DHX32: variants seen among roughly 807,000 people sequenced by gnomAD.
DHX32 encodes the protein putative pre-mRNA-splicing factor ATP-dependent RNA helicase DHX32.
In DHX32, 51 loss-of-function variants were observed where a neutral mutation model predicts 70.0. The observed-to-expected ratio is 0.73, with a 90% CI of 0.58 to 0.92. The LOEUF is 0.92. DHX32 is among the 40% of genes least tolerant of loss of function. The probability of loss-of-function intolerance (pLI) is 0.00; values close to 1 mark genes in which losing one functional copy is unlikely to be tolerated. For missense variants in DHX32, 762 were observed against 891.8 expected (o/e 0.85, Z 1.85); for synonymous variants, 310 against 315.3 (o/e 0.98, Z 0.18).
At chr10:125,888,517 ACAAT>A (rs1240504174) in intron 1 of DHX32, among the ~76,000 whole-genome samples, 3 of 152,266 alleles carry the variant, frequency 2.0e-5, no homozygotes, top group Admixed American at 6.5e-5. Flanking sequence ...ATTCTATGGA[ACAAT>A]CAATCATTTA....
intron 1 of DHX32, among the ~76,000 whole-genome samples, chr10:125,887,495 G>T (rs1944346728): frequency 6.6e-6 from 1 of 152,160 alleles, no homozygotes. Context: ...TAAAAAAGTT[G>T]TGATTACAGT....
At position 125,859,041 on chromosome 10, in the gene DHX32, GTTTGT is replaced by G. The variant is rs1175730953; in HGVS notation, c.849+557_849+561del. ...TAAAGGTTTTTTTTTTTGTTTGTTT[GTTTGT>G]TTTTTTTTTTTTTTTTTAATCTTTT... On this transcript the variant is annotated intron_variant, in intron 3 of 10. Transcript: ENST00000284690. Among the ~76,000 whole-genome samples the G allele has an allele frequency of 1.2e-3, 157 of 134,246 alleles. 1 individual carries two copies. The Middle Eastern group carries it at 0.016, about 14-fold the overall frequency. The allele number at this position is 134,246 out of a possible 152,430, so 88.1% of individuals were successfully genotyped here.
rs1017977519 is a variant in DHX32, at chr10:125,841,884, G to T, written c.1402C>A (p.Leu468Met). The T allele has an allele frequency of 6.2e-7, 1 of 1,611,088 alleles. No homozygotes were observed. Among genetic ancestry groups the T allele is most frequent in the African/African-American group, 1.3e-5 (1 of 74,924 alleles). Reference protein sequence around the residue: ...ALEDLDYLAALDNDGNLSEFG... With the variant: ...ALEDLDYLAAMDNDGNLSEFG... ...TCAGAAAGATTTCCATCATTATCCAGTGCTGCCAGATAATCTAAGTCTTCC... is the reference window on the plus strand; with the variant it reads ...TCAGAAAGATTTCCATCATTATCCATTGCTGCCAGATAATCTAAGTCTTCC... Residue 468 changes from leucine to methionine, a missense_variant, in exon 7 of 11, where the codon CTG (leucine) becomes ATG (methionine). Transcript: ENST00000284690.
Position 125,841,919 on chromosome 10 carries a change from A to G in DHX32, c.1367T>C (p.Met456Thr). 6.3e-7 allele frequency: 1 copy of G among 1,594,822 alleles called. No homozygotes were observed. Among genetic ancestry groups the G allele is most frequent in the Non-Finnish European group, 8.5e-7 (1 of 1,174,476 alleles). Residue 456 changes from methionine to threonine, a missense_variant, in exon 7 of 11, where the codon ATG becomes ACG. Transcript: ENST00000284690. ...ATAATCTAAGTCTTCCAATGCCTGC[A>G]TCAAACTTTCTGGTGCTAGGAAAGG... ...FMNRPAPESL[M>T]QALEDLDYLA...
intron 7 of DHX32, 106 bp downstream of exon 7, chr10:125,841,637 T>C (rs2134027445): frequency 6.7e-7 from 1 of 1,495,254 alleles, no homozygotes; most frequent in Non-Finnish European, 8.8e-7. Flanking sequence ...AGTTGATCAC[T>C]ATCTCTGCTC....
At chr10:125,845,205 T>C (rs912585705) in intron 6 of DHX32, among the ~76,000 whole-genome samples, 3 of 152,196 alleles carry the variant, frequency 2.0e-5, no homozygotes, top group South Asian at 2.1e-4. Context: ...AGTGTTCTTA[T>C]AGATGTCAGA....
intron 9 of DHX32, 119 bp from the exon 10 acceptor site, chr10:125,838,506 GC>G: frequency 1.1e-6 from 1 of 940,738 alleles, no homozygotes; most frequent in South Asian, 2.2e-5. Flanking sequence ...ACTAACGTTT[GC>G]CACTCATGTT....
intron 1 of DHX32, among the ~76,000 whole-genome samples, chr10:125,891,851 G>GC (rs1210137116): frequency 6.6e-6 from 1 of 151,998 alleles, no homozygotes; most frequent in Non-Finnish European, 1.5e-5. Context: ...TCCACAATCA[G>GC]CCCCTCCCCA....
intron 1 of DHX32, among the ~76,000 whole-genome samples, chr10:125,875,376 C>A (rs891262067): frequency 3.3e-5 from 5 of 152,046 alleles, no homozygotes; most frequent in Non-Finnish European, 7.3e-5. Context: ...GAACCTGGAA[C>A]ATCTTACTGA....
Position 125,859,687 on chromosome 10 carries a change from AGAATCCTTTTG to A in DHX32, c.754_764del (p.Gln252PhefsTer2). The A allele has an allele frequency of 6.2e-7, 1 of 1,613,808 alleles. No individual in the cohort carries two copies. The highest frequency in any genetic ancestry group is 1.1e-5 in the South Asian group (1 of 90,918). ...AGATAAGGCGTAAAATAGACTCAAA[AGAATCCTTTTG>A]AGCCTCACTAAGGTACACAACCTCC... On this transcript the variant is annotated frameshift_variant, in exon 3 of 11. Transcript: ENST00000284690. LOFTEE classifies it high-confidence loss of function.
At chr10:125,856,992 CATTTGT>C (rs1174820888) in intron 3 of DHX32, among the ~76,000 whole-genome samples, 1 of 152,146 alleles carries the variant, frequency 6.6e-6, no homozygotes, top group African/African-American at 2.4e-5. Context: ...ACAATTAATA[CATTTGT>C]ATTAGACTGG....
intron 6 of DHX32, chr10:125,842,182 G>A (rs542476853): frequency 6.7e-6 from 3 of 444,732 alleles, no homozygotes; most frequent in East Asian, 9.3e-5. Flanking sequence ...TGCATGCGGG[G>A]GGAACCCAGG....
At chr10:125,839,868 A>C (rs989895392) in intron 8 of DHX32, among the ~76,000 whole-genome samples, 4 of 152,084 alleles carry the variant, frequency 2.6e-5, no homozygotes, top group Non-Finnish European at 5.9e-5. Flanking sequence ...TGTCCTGTCC[A>C]CTCATGCTGC....
chr10:125,847,220 TC>T (rs1944033085), intron 6 of DHX32, among the ~76,000 whole-genome samples: 1 of 145,320 alleles, frequency 6.9e-6, no homozygotes, highest in Non-Finnish European at 1.5e-5. Context: ...GACTGCCAGT[TC>T]CATACCATGG....
At chr10:125,890,997 A>G (rs1589720870) in intron 1 of DHX32, among the ~76,000 whole-genome samples, 2 of 152,172 alleles carry the variant, frequency 1.3e-5, no homozygotes, top group African/African-American at 2.4e-5. Context: ...CCCGAGCTCA[A>G]TCAATGTTTA....
chr10:125,850,268 A>G (rs1944073230), intron 6 of DHX32, among the ~76,000 whole-genome samples: 1 of 151,122 alleles, frequency 6.6e-6, no homozygotes, highest in Non-Finnish European at 1.5e-5. Context: ...GTGAGCCACC[A>G]TGCCCAGCCC....
At chr10:125,891,353 CTT>C (rs33930520) in intron 1 of DHX32, among the ~76,000 whole-genome samples, 1 of 134,640 alleles carries the variant, frequency 7.4e-6, no homozygotes, top group African/African-American at 2.9e-5. Flanking sequence ...CTCTCTCTCT[CTT>C]TTTTTTTTTA....
intron 2 of DHX32, among the ~76,000 whole-genome samples, chr10:125,864,608 T>C (rs532569639): frequency 1.3e-5 from 2 of 152,172 alleles, no homozygotes; most frequent in Non-Finnish European, 2.9e-5. Context: ...TCCCCACCAT[T>C]ATTTGTCTTT....
At chr10:125,844,506 G>A (rs1450173499) in intron 6 of DHX32, among the ~76,000 whole-genome samples, 1 of 152,198 alleles carries the variant, frequency 6.6e-6, no homozygotes, top group Non-Finnish European at 1.5e-5. Context: ...AAAAGGAGAG[G>A]ATGTTCTTGG....
Sources: gnomAD v4.1 joint callset for allele counts (sites outside exome capture counted in the v4.1 genomes callset) on GRCh38, gnomAD v4.1.1 for gene constraint, MANE v1.5 for transcripts, NCBI Gene and HGNC (gene_info 2026-07-23, HGNC 2026-07-21) for gene names.